Variants in JARID2 observed in about 807,000 individuals in gnomAD.
The protein encoded by JARID2 is jumonji and AT-rich interaction domain containing 2.
Under a neutral mutation model 125.6 loss-of-function variants are expected in JARID2, and 21 were observed. The observed-to-expected ratio is 0.17, with a 90% CI of 0.12 to 0.24. The LOEUF (loss-of-function observed/expected upper bound fraction) is 0.24. Ranked by LOEUF, JARID2 falls within the 10% of genes least tolerant of loss-of-function variation. JARID2 has a pLI of 1.00. For missense variants in JARID2, 1,303 were observed against 1,639.6 expected (o/e 0.79, Z 3.55); for synonymous variants, 736 against 661.6 (o/e 1.11, Z -1.73).
rs576335937 is a variant in JARID2, at chr6:15,487,037, C to T, written c.671-270C>T. ...TGGAAGTCGAAGGGGAAGCAAAGCA[C>T]TTCTTATATGGCAGCAGGAAAGGTA... On this transcript the variant is annotated intron_variant, in intron 5 of 17. Transcript: ENST00000341776. Among the ~76,000 whole-genome samples, 4 of 152,194 alleles carry T rather than the reference C, an allele frequency of 2.6e-5. No homozygotes were observed. The South Asian group carries it at 8.3e-4, about 32-fold the overall frequency.
intron 1 of JARID2, among the ~76,000 whole-genome samples, chr6:15,343,902 A>G (rs1275321592): frequency 6.6e-6 from 1 of 152,126 alleles, no homozygotes; most frequent in African/African-American, 2.4e-5. Flanking sequence ...GTTGTATGCT[A>G]CTTTTAGATT....
intron 3 of JARID2, among the ~76,000 whole-genome samples, chr6:15,414,594 A>G (rs1210057110): frequency 1.3e-5 from 2 of 152,184 alleles, no homozygotes; most frequent in Admixed American, 6.5e-5. Context: ...GCCTCTTTAC[A>G]AAAGGAAAGC....
chr6:15,451,671 AT>A (rs1309457262), intron 3 of JARID2, among the ~76,000 whole-genome samples: 1 of 152,232 alleles, frequency 6.6e-6, no homozygotes, highest in Admixed American at 6.5e-5. Flanking sequence ...AATGAACACC[AT>A]TAAGCTGATG....
intron 5 of JARID2, among the ~76,000 whole-genome samples, chr6:15,474,181 T>C (rs1769229092): frequency 6.6e-6 from 1 of 152,242 alleles, no homozygotes; most frequent in South Asian, 2.1e-4. Context: ...TAAGAGTATT[T>C]CTGAAGTTAC....
intron 1 of JARID2, among the ~76,000 whole-genome samples, chr6:15,363,137 G>A (rs956662972): frequency 6.6e-6 from 1 of 152,124 alleles, no homozygotes; most frequent in Admixed American, 6.5e-5. Context: ...GAAAACCAGG[G>A]GAGAGTCCAG....
chr6:15,419,824 T>C (rs189984811), intron 3 of JARID2, among the ~76,000 whole-genome samples: 1 of 152,370 alleles, frequency 6.6e-6, no homozygotes, highest in African/African-American at 2.4e-5. Context: ...TTAGGCAATT[T>C]GATACGATGT....
intron 3 of JARID2, among the ~76,000 whole-genome samples, chr6:15,444,592 T>C (rs1399536888): frequency 3.3e-5 from 5 of 151,898 alleles, no homozygotes; most frequent in Non-Finnish European, 7.4e-5. Flanking sequence ...GGTAATTATT[T>C]TGGGGATGGA....
chr6:15,497,650 C>CAAAA lies in JARID2; in HGVS notation c.1945+492_1945+495dup, dbSNP rs67874437. ...TGGGTGACAGAGTGAGATTCCGTCT[C>CAAAA]AAAAAAAAAAAAAAAGTATTGAGCT... On this transcript the variant is annotated intron_variant, in intron 7 of 17. Coordinates refer to ENST00000341776, the MANE Select transcript of JARID2 (RefSeq NM_004973.4). Among the ~76,000 whole-genome samples the CAAAA allele has an allele frequency of 1.7e-3, 229 of 133,460 alleles. 1 individual carries two copies. The Middle Eastern group carries it at 0.02, about 11-fold the overall frequency. 87.6% of individuals were successfully genotyped at this position (133,460 alleles called of 152,430 possible). A position where few individuals can be genotyped will look rare whatever the true frequency, so the allele number is the denominator to read the frequency against.
chr6:15,520,108 G>A lies in JARID2; in HGVS notation c.3598G>A (p.Val1200Met), dbSNP rs781746664. The change falls in exon 18 of 18, where the codon GTG becomes ATG. Residue 1200 changes from valine (V) to methionine (M), a missense_variant. This residue lies in a region of JARID2 where 75 missense variants were observed against 66.0 expected (regional missense o/e 1.14). Transcript: ENST00000341776. ...TCTGGTCAATCAGATCTGCGGCAAA[G>A]TGTCTGGTAAAAACGGCAGCATTGA... ...ISLVNQICGKVSGKNGSIENC... is the reference protein window; with the variant it reads ...ISLVNQICGKMSGKNGSIENC... 2 of 1,613,834 alleles carry A rather than the reference G, an allele frequency of 1.2e-6. No individual in the cohort carries two copies. Among genetic ancestry groups the A allele is most frequent in the Non-Finnish European group, 1.7e-6 (2 of 1,179,888 alleles).
chr6:15,466,200 G>T (rs1768728423), intron 4 of JARID2, among the ~76,000 whole-genome samples: 1 of 152,138 alleles, frequency 6.6e-6, no homozygotes, highest in Admixed American at 6.5e-5. Context: ...AGGGGTGATG[G>T]CCCTCCTCTT....
chr6:15,433,253 C>T lies in JARID2; in HGVS notation c.324-18753C>T, dbSNP rs372982978. Among the ~76,000 whole-genome samples, 76 of 152,296 alleles carry T rather than the reference C, an allele frequency of 5.0e-4. No individual in the cohort carries two copies. In the East Asian group the frequency reaches 0.011, roughly 23 times the overall value. On this transcript the variant is annotated intron_variant, in intron 3 of 17. Transcript: ENST00000341776. ...CCCCATTTCCTTATAGGGACCTTTTCCTTTGTGTGTCCCCAAATGTTTCCT... is the reference window on the plus strand; with the variant it reads ...CCCCATTTCCTTATAGGGACCTTTTTCTTTGTGTGTCCCCAAATGTTTCCT...
At chr6:15,490,693 G>A (rs111900843) in intron 6 of JARID2, among the ~76,000 whole-genome samples, 3 of 152,332 alleles carry the variant, frequency 2.0e-5, no homozygotes, top group African/African-American at 7.2e-5. Flanking sequence ...AGGAGCAAAT[G>A]GTGTTTTTCT....
At chr6:15,512,147 G>C in intron 13 of JARID2, 61 bp from the exon 14 acceptor site, 1 of 1,494,466 alleles carries the variant, frequency 6.7e-7, no homozygotes, top group South Asian at 1.2e-5. Flanking sequence ...TACGTCACCT[G>C]AAGACTGCAG....
chr6:15,405,848 C>T (rs1181437121), intron 2 of JARID2, among the ~76,000 whole-genome samples: 1 of 152,130 alleles, frequency 6.6e-6, no homozygotes, highest in African/African-American at 2.4e-5. Flanking sequence ...GCTCTGTTGC[C>T]CTGTGGCGTC....
chr6:15,300,349 G>A (rs1039294590), intron 1 of JARID2, among the ~76,000 whole-genome samples: 4 of 152,150 alleles, frequency 2.6e-5, no homozygotes, highest in Non-Finnish European at 4.4e-5. Context: ...GGAGGGAAGC[G>A]GAGAAGGGCA....
rs56268949 is a variant in JARID2 at position 15,486,806 on chromosome 6, C to CTTTTTTTTTTTTTTTTTTT, written c.671-483_671-482insTTTTTTTTTTTTTTTTTTT. On this transcript the variant is annotated intron_variant, in intron 5 of 17. Transcript: ENST00000341776. ...CATCTCTTTTAAATCTGAGAATAGA[C>CTTTTTTTTTTTTTTTTTTT]TTTTTTTTTTTTTTTTTTGAGACAG... is the stretch of plus-strand genomic sequence containing the variant. Among the ~76,000 whole-genome samples the CTTTTTTTTTTTTTTTTTTT allele has an allele frequency of 1.3e-3, 130 of 100,514 alleles. 22 individuals carry two copies. The highest frequency in any genetic ancestry group is 5.9e-3 in the African/African-American group (123 of 20,910). 65.9% of individuals were successfully genotyped at this position (100,514 alleles called of 152,430 possible). A position where few individuals can be genotyped will look rare whatever the true frequency, so the allele number is the denominator to read the frequency against.
At chr6:15,360,823 G>T (rs1409310918) in intron 1 of JARID2, among the ~76,000 whole-genome samples, 1 of 152,020 alleles carries the variant, frequency 6.6e-6, no homozygotes, top group Non-Finnish European at 1.5e-5. Context: ...CTTTTTTAAA[G>T]CATTGTTTTC....
At chr6:15,275,625 T>A (rs1334458338) in intron 1 of JARID2, among the ~76,000 whole-genome samples, 1 of 145,722 alleles carries the variant, frequency 6.9e-6, no homozygotes, top group Non-Finnish European at 1.5e-5. Flanking sequence ...AGGCATAATG[T>A]AAGTTCAAGG....
rs999055511 is a variant in JARID2, at chr6:15,496,292, T to A, written c.1067T>A (p.Leu356Gln). The A allele has an allele frequency of 5.0e-6, 8 of 1,613,998 alleles. No homozygotes were observed. Among genetic ancestry groups the A allele is most frequent in the Non-Finnish European group, 3.4e-6 (4 of 1,180,042 alleles). The change falls in exon 7 of 18, where the codon CTG (leucine) becomes CAG (glutamine). Residue 356 changes from leucine to glutamine, a missense_variant. Leu to Gln is a moderately radical substitution (Grantham distance 113). Around this residue, in one of 11 missense-constraint regions of JARID2, gnomAD observed 651 missense variants for 581.6 expected, o/e 1.12. Coordinates refer to ENST00000341776, the MANE Select transcript of JARID2 (RefSeq NM_004973.4). ...ACATACACCAAAGCCAAGAGAGAAC[T>A]GGTCAAGGACACCAAACCCAATCAC... ...AVTYTKAKRELVKDTKPNHHK... is the reference protein window; with the variant it reads ...AVTYTKAKREQVKDTKPNHHK...
Sources: gnomAD v4.1 joint callset for allele counts (sites outside exome capture counted in the v4.1 genomes callset) on GRCh38, gnomAD v4.1.1 for gene constraint, gnomAD v4.1.1 regional missense constraint, MANE v1.5 for transcripts, NCBI Gene and HGNC (gene_info 2026-07-23, HGNC 2026-07-21) for gene names.